PAG1: variants seen among roughly 807,000 people sequenced by gnomAD.
The protein encoded by PAG1 is phosphoprotein membrane anchor with glycosphingolipid microdomains 1.
In PAG1, 23 loss-of-function variants were observed where a neutral mutation model predicts 31.7. That is an observed-to-expected ratio of 0.73 (90% CI 0.52 to 1.03). The LOEUF (loss-of-function observed/expected upper bound fraction) is 1.03, where lower values mean the gene tolerates loss of function less well. Ranked by LOEUF, PAG1 falls within the 50% of genes least tolerant of loss-of-function variation. The probability of loss-of-function intolerance (pLI) is 0.00; values close to 1 mark genes in which losing one functional copy is unlikely to be tolerated. For missense variants in PAG1, 473 were observed against 540.7 expected (o/e 0.87, Z 1.24); for synonymous variants, 214 against 210.3 (o/e 1.02, Z -0.15).
intron 1 of PAG1, among the ~76,000 whole-genome samples, chr8:81,095,852 C>A (rs1332132169): frequency 6.6e-6 from 1 of 152,198 alleles, no homozygotes; most frequent in Non-Finnish European, 1.5e-5. Context: ...AGCTGCATTT[C>A]TTACCATGCA....
rs1010869326 is a variant in PAG1 at position 81,029,368 on chromosome 8, A to T, written c.-81+628T>A. The stretch of plus-strand genomic sequence containing the variant: ...TGGTCTCTCTCTCTCTCTCTCTCAC[A>T]CACACACACACACACACACACCCCT... On this transcript the variant is annotated intron_variant, in intron 3 of 8. Coordinates refer to ENST00000220597, the MANE Select transcript of PAG1 (RefSeq NM_018440.4). Among the ~76,000 whole-genome samples, 193 of 148,930 alleles carry T rather than the reference A, an allele frequency of 1.3e-3. 1 individual carries two copies. Among genetic ancestry groups the T allele is most frequent in the Middle Eastern group, 3.6e-3 (1 of 276 alleles).
At chr8:81,022,884 A>G (rs1808214025) in intron 3 of PAG1, among the ~76,000 whole-genome samples, 1 of 152,134 alleles carries the variant, frequency 6.6e-6, no homozygotes, top group Non-Finnish European at 1.5e-5. Flanking sequence ...TGACTACCCC[A>G]TTGGCCTTTA....
In PAG1 at chr8:81,059,566, G is replaced by C. The variant is rs139263677; in HGVS notation, c.-175+10546C>G. ...ACAGGATCTTGGCCAACTTTCAGAG[G>C]GTCTGTAAACTACCTGCAATTATGT... On this transcript the variant is annotated intron_variant, in intron 2 of 8. Transcript: ENST00000220597. Among the ~76,000 whole-genome samples the C allele has an allele frequency of 8.2e-4, 125 of 151,978 alleles. 1 individual carries two copies. Among genetic ancestry groups the C allele is most frequent in the African/African-American group, 2.9e-3 (120 of 41,454 alleles).
intron 2 of PAG1, among the ~76,000 whole-genome samples, chr8:81,045,196 G>A (rs1044726996): frequency 6.6e-6 from 1 of 152,330 alleles, no homozygotes; most frequent in South Asian, 2.1e-4. Flanking sequence ...CATGTCTCAT[G>A]TAATGAGGTA....
intron 3 of PAG1, among the ~76,000 whole-genome samples, chr8:81,008,083 T>C (rs1807917604): frequency 6.6e-6 from 1 of 151,880 alleles, no homozygotes; most frequent in African/African-American, 2.4e-5. Context: ...TCCATCGGAT[T>C]AAATAATATA....
chr8:81,021,830 A>G (rs1039686924), intron 3 of PAG1, among the ~76,000 whole-genome samples: 5 of 152,178 alleles, frequency 3.3e-5, no homozygotes, highest in African/African-American at 1.2e-4. Flanking sequence ...CAAGGAATGT[A>G]GTAGAGTAGT....
At chr8:81,005,861 G>A (rs1171528160) in intron 3 of PAG1, among the ~76,000 whole-genome samples, 1 of 152,114 alleles carries the variant, frequency 6.6e-6, no homozygotes, top group Non-Finnish European at 1.5e-5. Context: ...GTAACACATG[G>A]GGCAATTTGT....
At chr8:81,098,104 G>A (rs900653307) in intron 1 of PAG1, among the ~76,000 whole-genome samples, 5 of 152,054 alleles carry the variant, frequency 3.3e-5, no homozygotes, top group African/African-American at 9.7e-5. Flanking sequence ...TTACATTCAC[G>A]ATGGGTCTAT....
intron 2 of PAG1, among the ~76,000 whole-genome samples, chr8:81,045,501 G>A (rs553011970): frequency 6.6e-6 from 1 of 152,310 alleles, no homozygotes; most frequent in South Asian, 2.1e-4. Flanking sequence ...AAGTAGATCA[G>A]TAGTTGCCTA....
At chr8:81,101,258 T>C (rs1809606215) in intron 1 of PAG1, among the ~76,000 whole-genome samples, 1 of 152,236 alleles carries the variant, frequency 6.6e-6, no homozygotes, top group African/African-American at 2.4e-5. Flanking sequence ...GTTTCAATTC[T>C]ACCTCGGACA....
At chr8:81,057,334 T>G (rs938519172) in intron 2 of PAG1, among the ~76,000 whole-genome samples, 1 of 152,026 alleles carries the variant, frequency 6.6e-6, no homozygotes, top group African/African-American at 2.4e-5. Context: ...TATCCATCAA[T>G]GATAGACTGG....
chr8:81,075,629 G>A (rs896518126), intron 1 of PAG1, among the ~76,000 whole-genome samples: 6 of 152,158 alleles, frequency 3.9e-5, no homozygotes, highest in Non-Finnish European at 7.3e-5. Context: ...TTGTTACACT[G>A]ATCCTACAGA....
chr8:80,980,849 C>A (rs550761792), intron 7 of PAG1, among the ~76,000 whole-genome samples: 217 of 152,200 alleles, frequency 1.4e-3, no homozygotes, highest in Admixed American at 3.1e-3. Flanking sequence ...TTATCAAATG[C>A]CTGAATTTTA....
intron 1 of PAG1, among the ~76,000 whole-genome samples, chr8:81,106,106 G>T (rs1809688716): frequency 6.6e-6 from 1 of 152,134 alleles, no homozygotes; most frequent in African/African-American, 2.4e-5. Flanking sequence ...GCAGTGGTGT[G>T]ATCTTCCTGG....
At chr8:80,991,661 C>T in intron 4 of PAG1, 131 bp from the exon 5 acceptor site, 1 of 730,308 alleles carries the variant, frequency 1.4e-6, no homozygotes, top group Non-Finnish European at 2.4e-6. Context: ...ATTTTGTCAA[C>T]AAAGACAAAA....
intron 1 of PAG1, among the ~76,000 whole-genome samples, chr8:81,087,902 G>C (rs1316568095): frequency 2.0e-5 from 3 of 152,180 alleles, no homozygotes; most frequent in African/African-American, 7.2e-5. Flanking sequence ...TTTTAGGAAA[G>C]GGAAGAGATC....
chr8:80,991,545 G>A lies in PAG1; in HGVS notation c.126-15C>T. The A allele has an allele frequency of 6.2e-7, 1 of 1,604,710 alleles. No individual in the cohort carries two copies. Among genetic ancestry groups the A allele is most frequent in the Non-Finnish European group, 8.5e-7 (1 of 1,171,386 alleles). The stretch of plus-strand genomic sequence containing the variant: ...GCTTCTTTTCCCTGAAATGAAAAGT[G>A]AAATGTTGTAATGTCAAATGTGCCC... On this transcript the variant is annotated splice_polypyrimidine_tract_variant and intron_variant, in intron 4 of 8. Coordinates refer to ENST00000220597, the MANE Select transcript of PAG1 (RefSeq NM_018440.4).
rs191101682 is a variant in PAG1 at position 81,050,268 on chromosome 8, C to G, written c.-175+19844G>C. Among the ~76,000 whole-genome samples, 37 of 152,174 alleles carry G rather than the reference C, an allele frequency of 2.4e-4. No individual in the cohort carries two copies. In the East Asian group the frequency reaches 6.6e-3, roughly 27 times the overall value. Reference sequence around the variant, plus strand: ...GCATTTTGCAATGAAGCATTTAATCCTCTTATTAAATGAATGAGAATTTAA... The same window carrying G: ...GCATTTTGCAATGAAGCATTTAATCGTCTTATTAAATGAATGAGAATTTAA... On this transcript the variant is annotated intron_variant, in intron 2 of 8. Transcript: ENST00000220597.
chr8:81,091,270 T>A (rs1393489356), intron 1 of PAG1, among the ~76,000 whole-genome samples: 5 of 152,186 alleles, frequency 3.3e-5, no homozygotes, highest in African/African-American at 1.2e-4. Context: ...TATTTGCACA[T>A]GCCGAATTAG....
Sources: allele counts gnomAD v4.1 joint callset (sites outside exome capture counted in the v4.1 genomes callset), GRCh38; gene constraint gnomAD v4.1.1; transcripts MANE v1.5; gene names NCBI Gene and HGNC (gene_info 2026-07-23, HGNC 2026-07-21).